RBFOX2: variants seen among roughly 807,000 people sequenced by gnomAD.
The protein encoded by RBFOX2 is RNA binding protein fox-1 homolog 2.
Under a neutral mutation model 49.1 loss-of-function variants are expected in RBFOX2, and 10 were observed. The ratio of observed to expected loss-of-function variants is 0.20; its 90% CI spans 0.13 to 0.35. The LOEUF (loss-of-function observed/expected upper bound fraction) is 0.35. RBFOX2 is among the 10% of genes least tolerant of loss of function. The pLI is 1.00. For synonymous variants in RBFOX2, 183 were observed against 187.4 expected, an observed-to-expected ratio of 0.98 and a Z score of 0.19; for missense variants, 323 against 486.9, an observed-to-expected ratio of 0.66 and a Z score of 3.17.
intron 1 of RBFOX2, among the ~76,000 whole-genome samples, chr22:35,878,602 T>G (rs2045467927): frequency 6.6e-6 from 1 of 152,172 alleles, no homozygotes; most frequent in Non-Finnish European, 1.5e-5. Context: ...CAACCCTGGC[T>G]AATTTTTAAA....
At chr22:35,853,801 A>G (rs1398730320) in intron 1 of RBFOX2, among the ~76,000 whole-genome samples, 1 of 152,136 alleles carries the variant, frequency 6.6e-6, no homozygotes, top group Non-Finnish European at 1.5e-5. Flanking sequence ...TCGTTCATAC[A>G]CATTTAAATT....
Position 35,792,942 on chromosome 22 carries a change from T to C in RBFOX2, c.253-11196A>G, listed in dbSNP as rs560269459. On this transcript the variant is annotated intron_variant, in intron 2 of 11. Transcript: ENST00000405409. ...CACTTAAAGTACTTTTGTTTTAATT[T>C]TCTTGGAGACAGGGTCTCCCAATGT... Among the ~76,000 whole-genome samples the C allele has an allele frequency of 3.3e-5, 5 of 152,352 alleles. No individual in the cohort carries two copies. In the East Asian group the frequency reaches 9.6e-4, roughly 29 times the overall value.
chr22:35,755,909 G>T (rs1207413482), intron 9 of RBFOX2, among the ~76,000 whole-genome samples, 196 bp downstream of exon 11: 1 of 151,138 alleles, frequency 6.6e-6, no homozygotes, highest in Non-Finnish European at 1.5e-5. Context: ...TTGCACCCAG[G>T]GGCAAGCGCA....
At chr22:35,766,937 A>G (rs1941155423) in intron 5 of RBFOX2, among the ~76,000 whole-genome samples, 1 of 152,180 alleles carries the variant, frequency 6.6e-6, no homozygotes, top group Non-Finnish European at 1.5e-5. Flanking sequence ...AAAAGAGAGT[A>G]AGGTAGGGAA....
chr22:35,803,401 C>T (rs571343603), intron 2 of RBFOX2, among the ~76,000 whole-genome samples: 1 of 152,306 alleles, frequency 6.6e-6, no homozygotes. Flanking sequence ...TAAGGCTGGG[C>T]ATGGTGTCTC....
At chr22:35,809,111 A>G (rs999784773) in intron 2 of RBFOX2, among the ~76,000 whole-genome samples, 2 of 151,950 alleles carry the variant, frequency 1.3e-5, no homozygotes, top group African/African-American at 2.4e-5. Context: ...GTTAGGCAAC[A>G]GTAATACCGG....
chr22:35,985,736 A>G (rs2057677433), intron 1 of RBFOX2, among the ~76,000 whole-genome samples: 1 of 152,178 alleles, frequency 6.6e-6, no homozygotes, highest in Non-Finnish European at 1.5e-5. Flanking sequence ...ACAGTTAAAG[A>G]GGAGACAACG....
At chr22:35,761,349 A>C in intron 7 of RBFOX2, 55 bp from the exon 9 acceptor site, 2 of 1,613,034 alleles carry the variant, frequency 1.2e-6, no homozygotes, top group South Asian at 1.1e-5. Flanking sequence ...AGGAGTCACA[A>C]ATTGAAAAAC....
chr22:35,904,084 C>G (rs1432961145), intron 1 of RBFOX2, among the ~76,000 whole-genome samples: 2 of 152,144 alleles, frequency 1.3e-5, no homozygotes, highest in Non-Finnish European at 2.9e-5. Context: ...TCCTCTCCCC[C>G]ATACCCCTTA....
intron 1 of RBFOX2, among the ~76,000 whole-genome samples, chr22:36,000,922 C>T (rs1469161908): frequency 6.6e-6 from 1 of 152,158 alleles, no homozygotes; most frequent in Non-Finnish European, 1.5e-5. Flanking sequence ...TACACTGTTA[C>T]AGATCATCTT....
chr22:35,880,131 G>A (rs190846712), intron 1 of RBFOX2, among the ~76,000 whole-genome samples: 10 of 152,136 alleles, frequency 6.6e-5, no homozygotes, highest in African/African-American at 2.2e-4. Flanking sequence ...CTGCAGCCTG[G>A]GCGACAGAGC....
At chr22:35,830,737 C>T (rs1191491231) in intron 1 of RBFOX2, among the ~76,000 whole-genome samples, 1 of 152,094 alleles carries the variant, frequency 6.6e-6, no homozygotes, top group Non-Finnish European at 1.5e-5. Context: ...ATTGTGTATG[C>T]AGTCTGTCGT....
At chr22:35,773,356 A>G (rs773953565) in intron 4 of RBFOX2, among the ~76,000 whole-genome samples, 51 of 152,204 alleles carry the variant, frequency 3.4e-4, no homozygotes, top group Non-Finnish European at 6.5e-4. Context: ...ACCTAAACCT[A>G]GATCCCCATT....
chr22:35,797,275 G>A (rs909439383), intron 2 of RBFOX2, among the ~76,000 whole-genome samples: 2 of 152,042 alleles, frequency 1.3e-5, no homozygotes, highest in Non-Finnish European at 2.9e-5. Context: ...AGTGCCAGAT[G>A]CATAAAACTG....
intron 1 of RBFOX2, among the ~76,000 whole-genome samples, chr22:36,002,441 T>C (rs748878928): frequency 1.3e-5 from 2 of 152,220 alleles, no homozygotes; most frequent in African/African-American, 2.4e-5. Context: ...TTAAAAGAAT[T>C]AGATTGATTG....
At chr22:35,805,164 C>T (rs894502182) in intron 2 of RBFOX2, among the ~76,000 whole-genome samples, 3 of 151,762 alleles carry the variant, frequency 2.0e-5, no homozygotes, top group Admixed American at 6.6e-5. Flanking sequence ...GTGGCGGGCA[C>T]CTGTAGTCCC....
At chr22:35,835,745 TAA>T (rs1200250557) in intron 1 of RBFOX2, among the ~76,000 whole-genome samples, 7 of 152,186 alleles carry the variant, frequency 4.6e-5, no homozygotes, top group Non-Finnish European at 1.0e-4. Flanking sequence ...AAAAACAATT[TAA>T]TGAGTCAAGA....
chr22:35,938,878 C>A lies in RBFOX2; in HGVS notation c.-65G>T, dbSNP rs201602397. The A allele has an allele frequency of 2.5e-6, 4 of 1,613,738 alleles. No individual in the cohort carries two copies. In the African/African-American group the frequency reaches 5.3e-5, roughly 22 times the overall value. ...GTCCCGCGCTGGGAATCCATGATAA[C>A]CTGGAGTCAGAGGCTCGTTCTATGA... On this transcript the variant is annotated 5_prime_UTR_variant, in exon 1 of 14. Transcript: ENST00000359369.
At chr22:35,920,867 T>C (rs1450945904) in intron 1 of RBFOX2, among the ~76,000 whole-genome samples, 12 of 152,180 alleles carry the variant, frequency 7.9e-5, no homozygotes. Flanking sequence ...AAAATGTGTA[T>C]ATATGCAAAC....
Sources: allele counts gnomAD v4.1 joint callset (sites outside exome capture counted in the v4.1 genomes callset), GRCh38; gene constraint gnomAD v4.1.1; transcripts MANE v1.5; gene names NCBI Gene and HGNC (gene_info 2026-07-23, HGNC 2026-07-21).